KHDRBS2: variants seen among roughly 807,000 people sequenced by gnomAD.
The protein encoded by KHDRBS2 is KH domain-containing, RNA-binding, signal transduction-associated protein 2.
A neutral mutation model predicts 44.3 loss-of-function variants in KHDRBS2; 26 were observed. That is an observed-to-expected ratio of 0.59 (90% CI 0.43 to 0.81). The LOEUF is 0.81. Among genes scored for constraint, KHDRBS2 ranks in the 40% least tolerant of loss-of-function variants. The probability of loss-of-function intolerance (pLI) is 0.00; values close to 1 mark genes in which losing one functional copy is unlikely to be tolerated. For missense variants in KHDRBS2, 476 were observed against 433.1 expected (o/e 1.10, Z -0.88); for synonymous variants, 194 against 151.1 (o/e 1.28, Z -2.08).
rs184643483 is a variant in KHDRBS2 at position 61,969,906 on chromosome 6, T to G, written c.483+8160A>C. On this transcript the variant is annotated intron_variant, in intron 4 of 8. Transcript: ENST00000281156. ...TCAAAAAAAAACATATAAAATCTCT[T>G]AAAATTTTAAGATGTTATTATTCTT... 2.4e-3 allele frequency among the ~76,000 whole-genome samples: 369 copies of G among 152,088 alleles called. 1 individual carries two copies. The highest frequency in any genetic ancestry group is 7.9e-3 in the African/African-American group (329 of 41,556).
chr6:62,198,565 T>C (rs1434976322), intron 1 of KHDRBS2, among the ~76,000 whole-genome samples: 1 of 151,998 alleles, frequency 6.6e-6, no homozygotes, highest in Non-Finnish European at 1.5e-5. Context: ...AATAGACCAA[T>C]AAAGGCTCTG....
At chr6:61,729,313 A>T (rs1161477727) in intron 7 of KHDRBS2, among the ~76,000 whole-genome samples, 1 of 152,082 alleles carries the variant, frequency 6.6e-6, no homozygotes, top group Non-Finnish European at 1.5e-5. Context: ...AACAACACAC[A>T]CTGGGGCCTT....
the KHDRBS2 span, among the ~76,000 whole-genome samples, chr6:61,565,694 G>T: frequency 6.6e-6 from 1 of 152,020 alleles, no homozygotes; most frequent in Non-Finnish European, 1.5e-5. Context: ...GAGAATGCTT[G>T]TACCCTGTTG....
At chr6:62,254,635 A>G (rs1279255788) in intron 1 of KHDRBS2, among the ~76,000 whole-genome samples, 2 of 152,016 alleles carry the variant, frequency 1.3e-5, no homozygotes, top group African/African-American at 4.8e-5. Flanking sequence ...TATTTAGTCA[A>G]GCAAGAAAGG....
chr6:62,209,099 A>G (rs1164039925), intron 1 of KHDRBS2, among the ~76,000 whole-genome samples: 1 of 152,224 alleles, frequency 6.6e-6, no homozygotes, highest in East Asian at 1.9e-4. Context: ...TCTTAGCCAC[A>G]TATCTGATAA....
intron 6 of KHDRBS2, among the ~76,000 whole-genome samples, chr6:61,846,339 T>C (rs1362384657): frequency 6.6e-6 from 1 of 152,210 alleles, no homozygotes; most frequent in Admixed American, 6.5e-5. Context: ...AAATCTATCA[T>C]ATAATAGAAA....
chr6:61,703,321 G>A (rs1291357730), intron 7 of KHDRBS2, among the ~76,000 whole-genome samples: 1 of 151,670 alleles, frequency 6.6e-6, no homozygotes, highest in Non-Finnish European at 1.5e-5. Context: ...TATATTTATG[G>A]TTTAAACACG....
chr6:61,828,522 A>G (rs1157292423), intron 6 of KHDRBS2, among the ~76,000 whole-genome samples: 2 of 152,210 alleles, frequency 1.3e-5, no homozygotes, highest in Admixed American at 1.3e-4. Context: ...CCAGCACTTG[A>G]TAAAACATCA....
chr6:61,600,092 G>T, the KHDRBS2 span, among the ~76,000 whole-genome samples: 1 of 152,138 alleles, frequency 6.6e-6, no homozygotes, highest in Non-Finnish European at 1.5e-5. Context: ...TTTGGAAAAA[G>T]AAAAAGAGAC....
chr6:62,200,074 A>G (rs1342673407), intron 1 of KHDRBS2, among the ~76,000 whole-genome samples: 1 of 152,216 alleles, frequency 6.6e-6, no homozygotes, highest in African/African-American at 2.4e-5. Flanking sequence ...CACCTTATAC[A>G]AAAATTAATT....
the KHDRBS2 span, among the ~76,000 whole-genome samples, chr6:61,550,289 C>T: frequency 6.6e-6 from 1 of 152,066 alleles, no homozygotes; most frequent in East Asian, 1.9e-4. Flanking sequence ...GTAGTGAGAA[C>T]GTGTGGTATT....
At chr6:61,819,619 C>T (rs1036973519) in intron 6 of KHDRBS2, among the ~76,000 whole-genome samples, 5 of 151,908 alleles carry the variant, frequency 3.3e-5, no homozygotes, top group African/African-American at 9.7e-5. Flanking sequence ...TTGTTCTTCC[C>T]AAATAGGGCC....
chr6:61,592,613 T>C, the KHDRBS2 span, among the ~76,000 whole-genome samples: 1 of 152,226 alleles, frequency 6.6e-6, no homozygotes, highest in Non-Finnish European at 1.5e-5. Flanking sequence ...GCTATTCCTG[T>C]CTGCAGGCTC....
At chr6:61,628,237 TTTTTCAA>T in the KHDRBS2 span, among the ~76,000 whole-genome samples, 1 of 92,872 alleles carries the variant, frequency 1.1e-5, no homozygotes, top group African/African-American at 4.2e-5. Flanking sequence ...TTTTTTTTTT[TTTTTCAA>T]CCTGGGCTGT....
chr6:61,556,534 C>T, the KHDRBS2 span, among the ~76,000 whole-genome samples: 2,427 of 152,230 alleles, frequency 0.016, 66 homozygotes, highest in African/African-American at 0.056. Flanking sequence ...GAGAAAATGC[C>T]TACCAAATAC....
At chr6:62,141,694 C>G (rs1324150710) in intron 2 of KHDRBS2, among the ~76,000 whole-genome samples, 1 of 151,918 alleles carries the variant, frequency 6.6e-6, no homozygotes, top group Non-Finnish European at 1.5e-5. Context: ...ATATAGTAAA[C>G]ATTTCTTCTT....
chr6:61,765,684 GT>G lies in KHDRBS2; in HGVS notation c.811-32921del, dbSNP rs374014480. On this transcript the variant is annotated intron_variant, in intron 6 of 8. Coordinates refer to ENST00000281156, the MANE Select transcript of KHDRBS2 (RefSeq NM_152688.4). ...CCTTCTATACCCACTTTTTTTGAGG[GT>G]TTTTTTAAATCATAAAGCATTGTTG... Among the ~76,000 whole-genome samples, 207 of 151,902 alleles carry G rather than the reference GT, an allele frequency of 1.4e-3. 2 individuals carry two copies. Among genetic ancestry groups the G allele is most frequent in the African/African-American group, 4.7e-3 (196 of 41,476 alleles).
At chr6:61,955,100 A>ATG (rs1766302787) in intron 4 of KHDRBS2, among the ~76,000 whole-genome samples, 1 of 121,068 alleles carries the variant, frequency 8.3e-6, no homozygotes, top group African/African-American at 2.8e-5. Flanking sequence ...ACATATATGT[A>ATG]TATATACACA....
chr6:61,686,950 C>T (rs1291842193), intron 8 of KHDRBS2, among the ~76,000 whole-genome samples: 1 of 151,502 alleles, frequency 6.6e-6, no homozygotes, highest in Non-Finnish European at 1.5e-5. Flanking sequence ...AGAATGTGGG[C>T]CGCTTCAACT....
Sources: allele counts gnomAD v4.1 joint callset (sites outside exome capture counted in the v4.1 genomes callset), GRCh38; gene constraint gnomAD v4.1.1; transcripts MANE v1.5; gene names NCBI Gene and HGNC (gene_info 2026-07-23, HGNC 2026-07-21).